GALNT18: variants seen among roughly 807,000 people sequenced by gnomAD.
GALNT18 encodes GalNAc-transferase 18.
GALNT18 carries 44 observed loss-of-function variants against 69.5 expected under a neutral mutation model. That is an observed-to-expected ratio of 0.63 (90% CI 0.50 to 0.81). The LOEUF is 0.81. GALNT18 is among the 40% of genes least tolerant of loss of function. The probability of loss-of-function intolerance (pLI) is 0.00; values close to 1 mark genes in which losing one functional copy is unlikely to be tolerated. For synonymous variants in GALNT18, 364 were observed against 318.2 expected (o/e 1.14, Z -1.53); for missense variants, 715 against 810.0 (o/e 0.88, Z 1.42).
intron 3 of GALNT18, among the ~76,000 whole-genome samples, chr11:11,418,209 C>T (rs969734333): frequency 1.1e-4 from 17 of 152,242 alleles, no homozygotes; most frequent in Middle Eastern, 3.4e-3. Flanking sequence ...CATACAGCAT[C>T]GGGTGAGGCT....
chr11:11,291,009 G>T (rs994801861), intron 10 of GALNT18, among the ~76,000 whole-genome samples: 9 of 152,132 alleles, frequency 5.9e-5, no homozygotes, highest in African/African-American at 2.2e-4. Context: ...ATCCTTCACT[G>T]GGCATATACC....
chr11:11,406,997 G>A (rs1854603167), intron 3 of GALNT18, among the ~76,000 whole-genome samples: 1 of 152,172 alleles, frequency 6.6e-6, no homozygotes, highest in Non-Finnish European at 1.5e-5. Context: ...ACCAGGAGGA[G>A]GCCTTCCTTA....
intron 1 of GALNT18, among the ~76,000 whole-genome samples, chr11:11,529,715 GGA>G (rs373159701): frequency 4.6e-5 from 7 of 152,024 alleles, no homozygotes; most frequent in Non-Finnish European, 2.9e-5. Context: ...GAGGGGAGAA[GGA>G]GAGAGAGAGA....
At chr11:11,355,716 T>C (rs926529767) in intron 6 of GALNT18, among the ~76,000 whole-genome samples, 17 of 152,148 alleles carry the variant, frequency 1.1e-4, no homozygotes, top group African/African-American at 3.4e-4. Flanking sequence ...ACTACAATCC[T>C]AGTGTGGTGA....
intron 6 of GALNT18, among the ~76,000 whole-genome samples, chr11:11,359,282 T>C (rs1336499617): frequency 2.1e-5 from 3 of 141,320 alleles, no homozygotes; most frequent in South Asian, 2.2e-4. Context: ...CAGTCTATCA[T>C]GTGCTTCAAT....
chr11:11,311,934 C>A (rs1452836396), intron 9 of GALNT18, among the ~76,000 whole-genome samples: 1 of 152,172 alleles, frequency 6.6e-6, no homozygotes, highest in Non-Finnish European at 1.5e-5. Flanking sequence ...GGTGCTGACT[C>A]CCCATGCCGT....
intron 10 of GALNT18, among the ~76,000 whole-genome samples, chr11:11,280,865 AT>A (rs1488356990): frequency 1.3e-5 from 2 of 152,152 alleles, no homozygotes; most frequent in Admixed American, 6.5e-5. Context: ...TTGGGTGCCC[AT>A]CCTGTCCCTT....
In GALNT18 at chr11:11,377,890, C is replaced by A. The variant is rs913307091; in HGVS notation, c.780-511G>T. 5.3e-5 allele frequency among the ~76,000 whole-genome samples: 8 copies of A among 152,130 alleles called. No homozygotes were observed. The highest frequency in any genetic ancestry group is 1.9e-4 in the African/African-American group (8 of 41,418). On this transcript the variant is annotated intron_variant, in intron 4 of 10. Coordinates refer to ENST00000227756, the MANE Select transcript of GALNT18 (RefSeq NM_198516.3). The surrounding 1 kb of genome is among the most constrained non-coding windows in gnomAD (Gnocchi z 4.6). ...TGGAATGCCAGCTGTGCCACATCCACCCCCCAAAGCGTTTCCCAACCACCC... is the reference window on the plus strand; with the variant it reads ...TGGAATGCCAGCTGTGCCACATCCAACCCCCAAAGCGTTTCCCAACCACCC...
chr11:11,434,459 GC>G (rs1229049121), intron 2 of GALNT18, among the ~76,000 whole-genome samples: 2 of 152,258 alleles, frequency 1.3e-5, no homozygotes, highest in East Asian at 1.9e-4. Flanking sequence ...TGGAGCTTAT[GC>G]TTTGACAGAA....
intron 1 of GALNT18, among the ~76,000 whole-genome samples, chr11:11,610,845 T>TCCC (rs1425013982): frequency 6.6e-6 from 1 of 152,200 alleles, no homozygotes; most frequent in African/African-American, 2.4e-5. Flanking sequence ...CTCAAGACCC[T>TCCC]CCCTTCCTCT....
chr11:11,327,175 T>C lies in GALNT18; in HGVS notation c.1423A>G (p.Asn475Asp). The change falls in exon 9 of 11, where the codon AAT becomes GAT. Residue 475 changes from asparagine to aspartate, a missense_variant. Asn to Asp is a conservative substitution (Grantham distance 23). Transcript: ENST00000227756. ...AGACACAAATCAGTCTTCAGAGAAT[T>C]CTGCAGCTGAACATCAGAGAACAGA... Reference protein sequence around the residue: ...SDIIAYGVLQNSLKTDLCLDQ... With the variant: ...SDIIAYGVLQDSLKTDLCLDQ... 6.2e-7 allele frequency: 1 copy of C among 1,612,934 alleles called. No individual in the cohort carries two copies. Among genetic ancestry groups the C allele is most frequent in the Non-Finnish European group, 8.5e-7 (1 of 1,178,864 alleles).
chr11:11,373,604 A>G (rs1428265342), intron 5 of GALNT18, among the ~76,000 whole-genome samples: 1 of 152,266 alleles, frequency 6.6e-6, no homozygotes, highest in Non-Finnish European at 1.5e-5. Context: ...CTGGAATTCA[A>G]CAGGGGTCTT....
rs1400619445 is a variant in GALNT18 at position 11,605,263 on chromosome 11, A to T, written c.235+16096T>A. Among the ~76,000 whole-genome samples the T allele has an allele frequency of 6.6e-6, 1 of 152,108 alleles. No homozygotes were observed. The highest frequency in any genetic ancestry group is 1.5e-5 in the Non-Finnish European group (1 of 68,016). ...CCCAGGTGGCCAGCAGATAACTTGG[A>T]GTTCCAGGCTGCCCACCTTGACACC... On this transcript the variant is annotated intron_variant, in intron 1 of 10. Coordinates refer to ENST00000227756, the MANE Select transcript of GALNT18 (RefSeq NM_198516.3). This position sits in a 1 kb window ranked among gnomAD's most constrained non-coding sequence, Gnocchi z 4.7.
chr11:11,308,344 T>C (rs1849612934), intron 9 of GALNT18, among the ~76,000 whole-genome samples: 1 of 152,156 alleles, frequency 6.6e-6, no homozygotes, highest in South Asian at 2.1e-4. Context: ...ACTAAATATG[T>C]CCCTACATGA....
intron 6 of GALNT18, among the ~76,000 whole-genome samples, chr11:11,345,754 T>C (rs1589923997): frequency 6.6e-6 from 1 of 151,958 alleles, no homozygotes; most frequent in Non-Finnish European, 1.5e-5. Context: ...AGACGGCAGG[T>C]AGCTGGGTAC....
intron 1 of GALNT18, among the ~76,000 whole-genome samples, chr11:11,507,538 CCTAA>C (rs1441453290): frequency 2.6e-5 from 4 of 152,098 alleles, no homozygotes; most frequent in African/African-American, 9.7e-5. Context: ...CTTCCCCTTC[CCTAA>C]CTTTTTAGTT....
intron 9 of GALNT18, among the ~76,000 whole-genome samples, chr11:11,323,293 G>A (rs1310778203): frequency 6.6e-6 from 1 of 152,190 alleles, no homozygotes; most frequent in African/African-American, 2.4e-5. Context: ...ATTTCTCTTC[G>A]AATGTGAGCC....
chr11:11,330,106 CTT>C (rs991490697), intron 8 of GALNT18, among the ~76,000 whole-genome samples: 6 of 152,142 alleles, frequency 3.9e-5, no homozygotes, highest in South Asian at 2.1e-4. Flanking sequence ...CCAGGGGAAA[CTT>C]ATGCCCACAC....
chr11:11,462,554 A>G (rs1043087107), intron 1 of GALNT18, among the ~76,000 whole-genome samples: 2 of 151,782 alleles, frequency 1.3e-5, no homozygotes, highest in Non-Finnish European at 2.9e-5. Context: ...CAGCCTCCCA[A>G]AGTGCTGGGA....
Sources: gnomAD v4.1 joint callset for allele counts (sites outside exome capture counted in the v4.1 genomes callset) on GRCh38, gnomAD v4.1.1 for gene constraint, Gnocchi (gnomAD v3.1) non-coding constraint, MANE v1.5 for transcripts, NCBI Gene and HGNC (gene_info 2026-07-23, HGNC 2026-07-21) for gene names.